Variants in CNTN4 observed in about 807,000 individuals in gnomAD.
CNTN4 encodes the protein contactin 4, also known as contactin-4.
CNTN4 carries 77 observed loss-of-function variants against 122.5 expected under a neutral mutation model. The ratio of observed to expected loss-of-function variants is 0.63; its 90% CI spans 0.52 to 0.76. The LOEUF (loss-of-function observed/expected upper bound fraction) is 0.76. Among genes scored for constraint, CNTN4 ranks in the 30% least tolerant of loss-of-function variants. CNTN4 has a pLI of 0.00. For synonymous variants in CNTN4, 512 were observed against 447.0 expected (o/e 1.15, Z -1.83); for missense variants, 1,256 against 1,259.1 (o/e 1.00, Z 0.04).
intron 4 of CNTN4, among the ~76,000 whole-genome samples, chr3:2,684,235 C>T (rs566810420): frequency 4.2e-4 from 64 of 152,176 alleles, no homozygotes; most frequent in African/African-American, 1.5e-3. Flanking sequence ...TTTAGCAAGG[C>T]TTCAAGGGGA....
chr3:2,607,124 C>A (rs1433789165), intron 4 of CNTN4, among the ~76,000 whole-genome samples: 1 of 152,128 alleles, frequency 6.6e-6, no homozygotes, highest in East Asian at 1.9e-4. Context: ...TCTTCCAAGG[C>A]CACCTTTTTT....
chr3:2,664,005 G>C (rs2084029759), intron 4 of CNTN4, among the ~76,000 whole-genome samples: 1 of 152,122 alleles, frequency 6.6e-6, no homozygotes, highest in Non-Finnish European at 1.5e-5. Flanking sequence ...AGGTGGGGGT[G>C]GTTGGGTAGT....
rs537197265 is a variant in CNTN4, at chr3:2,529,125, T to A, written c.-88-42291T>A. 3.9e-4 allele frequency among the ~76,000 whole-genome samples: 59 copies of A among 152,234 alleles called. No individual in the cohort carries two copies. In the Middle Eastern group the frequency reaches 0.017, roughly 44 times the overall value. ...TTTGCTCTCCCCACTCTTCCCAGCC[T>A]CTAAAAGCCACTACTCTACTCTCTA... On this transcript the variant is annotated intron_variant, in intron 3 of 24. Coordinates refer to ENST00000418658, the MANE Select transcript of CNTN4 (RefSeq NM_175607.3).
At chr3:3,037,080 A>C (rs542570948) in intron 17 of CNTN4, 99 bp from the exon 18 acceptor site, 1 of 1,371,892 alleles carries the variant, frequency 7.3e-7, no homozygotes, top group East Asian at 2.3e-5. Context: ...GAATACAATA[A>C]TGATGAGGAT....
At position 2,521,516 on chromosome 3, in the gene CNTN4, G is replaced by A. The variant is rs190780969; in HGVS notation, c.-88-49900G>A. ...TTTAAGTAGAGTTGAATGAATATGTGAGGAAGGAAGCATTTTGAGCTTTTT... is the reference window on the plus strand; with the variant it reads ...TTTAAGTAGAGTTGAATGAATATGTAAGGAAGGAAGCATTTTGAGCTTTTT... On this transcript the variant is annotated intron_variant, in intron 3 of 24. Coordinates refer to ENST00000418658, the MANE Select transcript of CNTN4 (RefSeq NM_175607.3). Among the ~76,000 whole-genome samples, 43 of 152,144 alleles carry A rather than the reference G, an allele frequency of 2.8e-4. No homozygotes were observed. In the East Asian group the frequency reaches 7.9e-3, roughly 28 times the overall value.
At chr3:2,387,762 T>TA (rs2150845173) in intron 3 of CNTN4, among the ~76,000 whole-genome samples, 2 of 152,334 alleles carry the variant, frequency 1.3e-5, no homozygotes, top group South Asian at 4.1e-4. Context: ...ACACTGGTTT[T>TA]AAGGGATACA....
chr3:2,522,955 T>C (rs2149165089), intron 3 of CNTN4, among the ~76,000 whole-genome samples: 1 of 152,266 alleles, frequency 6.6e-6, no homozygotes. Flanking sequence ...TTGCATCTCA[T>C]TTTGTATTAC....
chr3:2,824,929 C>T (rs536521851), intron 7 of CNTN4, among the ~76,000 whole-genome samples: 4 of 152,262 alleles, frequency 2.6e-5, no homozygotes, highest in Non-Finnish European at 4.4e-5. Flanking sequence ...TCCCAAAGTG[C>T]TGGGATTACA....
chr3:2,744,512 G>C (rs531880742), intron 5 of CNTN4, among the ~76,000 whole-genome samples: 1 of 152,150 alleles, frequency 6.6e-6, no homozygotes, highest in Non-Finnish European at 1.5e-5. Context: ...TAACATTCTG[G>C]TGTGAATGCT....
At chr3:2,587,655 C>T (rs191551305) in intron 4 of CNTN4, among the ~76,000 whole-genome samples, 1 of 152,036 alleles carries the variant, frequency 6.6e-6, no homozygotes, top group Non-Finnish European at 1.5e-5. Context: ...GCTATGCGCT[C>T]GATTCAGTTG....
chr3:3,024,478 A>G (rs1698567039), intron 14 of CNTN4, among the ~76,000 whole-genome samples: 1 of 151,708 alleles, frequency 6.6e-6, no homozygotes, highest in African/African-American at 2.4e-5. Context: ...GTAGTCCTCA[A>G]AAGCCTCGGT....
chr3:2,551,323 T>C (rs976935710), intron 3 of CNTN4, among the ~76,000 whole-genome samples: 7 of 152,232 alleles, frequency 4.6e-5, no homozygotes, highest in South Asian at 4.2e-4. Flanking sequence ...TAAAATGTTA[T>C]ATGAATGTCA....
intron 3 of CNTN4, among the ~76,000 whole-genome samples, chr3:2,543,421 T>G (rs2078110308): frequency 6.6e-6 from 1 of 152,088 alleles, no homozygotes; most frequent in Non-Finnish European, 1.5e-5. Flanking sequence ...TGTTTCCGTC[T>G]TAGTGCTTGT....
chr3:2,724,840 A>G (rs1377073787), intron 4 of CNTN4, among the ~76,000 whole-genome samples: 2 of 152,144 alleles, frequency 1.3e-5, no homozygotes, highest in Non-Finnish European at 2.9e-5. Context: ...CTGAACGTAG[A>G]AAGGGCAACC....
Position 2,126,974 on chromosome 3 carries a change from T to C in CNTN4, c.-145+26335T>C, listed in dbSNP as rs963722334. On this transcript the variant is annotated intron_variant, in intron 2 of 24. Transcript: ENST00000418658. ...AAACTAGAAGGTCCTTTGTGACTTT[T>C]GTCTGATGAGGAGTCCTAGCAGTTT... is the stretch of plus-strand genomic sequence containing the variant. Among the ~76,000 whole-genome samples the C allele has an allele frequency of 3.3e-5, 5 of 152,190 alleles. No individual in the cohort carries two copies. In the South Asian group the frequency reaches 8.3e-4, roughly 25 times the overall value.
At chr3:2,565,487 C>A (rs2079118745) in intron 3 of CNTN4, among the ~76,000 whole-genome samples, 1 of 152,094 alleles carries the variant, frequency 6.6e-6, no homozygotes, top group South Asian at 2.1e-4. Context: ...CCAAGAAGAA[C>A]CTATAGGCTA....
At chr3:2,366,589 T>C (rs2045387202) in intron 3 of CNTN4, among the ~76,000 whole-genome samples, 1 of 151,932 alleles carries the variant, frequency 6.6e-6, no homozygotes, top group African/African-American at 2.4e-5. Context: ...TAGCCAGGCA[T>C]GGTGGCGGGC....
chr3:2,523,600 C>T (rs1425538324), intron 3 of CNTN4, among the ~76,000 whole-genome samples: 1 of 151,900 alleles, frequency 6.6e-6, no homozygotes, highest in African/African-American at 2.4e-5. Flanking sequence ...ATGACCTTGG[C>T]TTTGAACTTG....
chr3:2,183,744 C>T lies in CNTN4; in HGVS notation c.-145+83105C>T, dbSNP rs961115499. The stretch of plus-strand genomic sequence containing the variant: ...ATATAACTGGAATAATGGTTATGCA[C>T]CCAAAGCCATACATGGAATGTCATA... On this transcript the variant is annotated intron_variant, in intron 2 of 24. Coordinates refer to ENST00000418658, the MANE Select transcript of CNTN4 (RefSeq NM_175607.3). Among the ~76,000 whole-genome samples, 25 of 152,202 alleles carry T rather than the reference C, an allele frequency of 1.6e-4. 1 individual carries two copies. The highest frequency in any genetic ancestry group is 6.0e-4 in the African/African-American group (25 of 41,542).
Sources: allele counts gnomAD v4.1 joint callset (sites outside exome capture counted in the v4.1 genomes callset), GRCh38; gene constraint gnomAD v4.1.1; transcripts MANE v1.5; gene names NCBI Gene and HGNC (gene_info 2026-07-23, HGNC 2026-07-21).